The following STXBP5L variants were observed in gnomAD, a reference collection of about 807,000 sequenced individuals.
The protein encoded by STXBP5L is syntaxin-binding protein 5-like.
Under a neutral mutation model 144.5 loss-of-function variants are expected in STXBP5L, and 65 were observed. That is an observed-to-expected ratio of 0.45 (90% confidence interval 0.37 to 0.55). The LOEUF (loss-of-function observed/expected upper bound fraction) is 0.55. STXBP5L is among the 20% of genes least tolerant of loss of function. STXBP5L has a pLI of 0.00. For missense variants in STXBP5L, 1,298 were observed against 1,405.5 expected (o/e 0.92, Z 1.22); for synonymous variants, 505 against 469.6 (o/e 1.08, Z -0.97).
At chr3:121,011,082 C>T (rs538731166) in intron 3 of STXBP5L, among the ~76,000 whole-genome samples, 2 of 149,470 alleles carry the variant, frequency 1.3e-5, no homozygotes, top group East Asian at 1.9e-4. Flanking sequence ...ATGTCTACCT[C>T]TTGGAGTTTC....
intron 19 of STXBP5L, among the ~76,000 whole-genome samples, chr3:121,295,639 CAAAT>C (rs2051620739): frequency 6.6e-6 from 1 of 152,060 alleles, no homozygotes; most frequent in African/African-American, 2.4e-5. Context: ...GTGAGTCAGA[CAAAT>C]AAAACAGTCT....
intron 20 of STXBP5L, among the ~76,000 whole-genome samples, chr3:121,319,942 A>T (rs1051880386): frequency 1.3e-5 from 2 of 152,098 alleles, no homozygotes; most frequent in African/African-American, 4.8e-5. Context: ...ACATAGTGAG[A>T]CCCTGTCTCA....
At chr3:120,928,852 AT>A (rs1215990789) in intron 2 of STXBP5L, among the ~76,000 whole-genome samples, 3 of 152,006 alleles carry the variant, frequency 2.0e-5, no homozygotes, top group Non-Finnish European at 4.4e-5. Flanking sequence ...TCATTTTAGT[AT>A]TTTTTTATGT....
intron 5 of STXBP5L, among the ~76,000 whole-genome samples, chr3:121,071,424 G>T (rs889672553): frequency 2.0e-5 from 3 of 152,186 alleles, no homozygotes; most frequent in African/African-American, 7.2e-5. Context: ...CCAGCCTCTG[G>T]TGCAGTCAGA....
At chr3:121,333,282 A>G (rs1324814276) in intron 20 of STXBP5L, among the ~76,000 whole-genome samples, 2 of 152,174 alleles carry the variant, frequency 1.3e-5, no homozygotes, top group African/African-American at 2.4e-5. Flanking sequence ...CTTAAAATAT[A>G]CAGAATGAAA....
chr3:121,028,438 C>A (rs1560022839), intron 3 of STXBP5L, among the ~76,000 whole-genome samples: 1 of 151,946 alleles, frequency 6.6e-6, no homozygotes, highest in Non-Finnish European at 1.5e-5. Context: ...TTATGTAGGT[C>A]TTCTTTCCTC....
At chr3:121,076,085 C>A (rs936702571) in intron 5 of STXBP5L, among the ~76,000 whole-genome samples, 17 of 152,162 alleles carry the variant, frequency 1.1e-4, no homozygotes, top group African/African-American at 4.1e-4. Flanking sequence ...GGCTGATAAA[C>A]GAAGAGCTGT....
rs1225365195 is a variant in STXBP5L, at chr3:120,931,341, C to T, written c.189+21574C>T. 2.0e-5 allele frequency among the ~76,000 whole-genome samples: 3 copies of T among 152,144 alleles called. 1 individual carries two copies. The highest frequency in any genetic ancestry group is 4.1e-4 in the South Asian group (2 of 4,830). On this transcript the variant is annotated intron_variant, in intron 2 of 26. Coordinates refer to ENST00000471454, the MANE Select transcript of STXBP5L (RefSeq NM_001308330.2). ...GCATATGTTAGCTGGATAAGGGGAGCCTTTAGCTATTAGTGTGGTTTGTAC... is the reference window on the plus strand; with the variant it reads ...GCATATGTTAGCTGGATAAGGGGAGTCTTTAGCTATTAGTGTGGTTTGTAC...
In STXBP5L at chr3:120,956,848, A is replaced by AT. The variant is rs1938092964; in HGVS notation, c.287+1818dup. On this transcript the variant is annotated intron_variant, in intron 3 of 26. Transcript: ENST00000471454. ...AATTTTAATGAAGTTCAAGTTGGCT[A>AT]TTTTTTTCTTTTGTTGCCTGTGCTT... 3.3e-5 allele frequency among the ~76,000 whole-genome samples: 5 copies of AT among 151,784 alleles called. No homozygotes were observed. The South Asian group carries it at 1.0e-3, about 31-fold the overall frequency.
chr3:121,315,614 C>G (rs1336829589), intron 19 of STXBP5L, among the ~76,000 whole-genome samples: 1 of 151,124 alleles, frequency 6.6e-6, no homozygotes, highest in African/African-American at 2.4e-5. Context: ...ACACATGTAC[C>G]CTAAAACTTA....
chr3:121,247,217 G>A (rs2049883918), intron 14 of STXBP5L, among the ~76,000 whole-genome samples: 1 of 152,158 alleles, frequency 6.6e-6, no homozygotes, highest in South Asian at 2.1e-4. Flanking sequence ...ATATGTGTCT[G>A]TTTTTCACCA....
At chr3:121,143,275 T>C (rs1262035310) in intron 7 of STXBP5L, among the ~76,000 whole-genome samples, 1 of 141,484 alleles carries the variant, frequency 7.1e-6, no homozygotes, top group East Asian at 2.1e-4. Context: ...TTTGAAGAAA[T>C]AACATCAGTC....
chr3:120,995,464 G>T (rs572670913), intron 3 of STXBP5L, among the ~76,000 whole-genome samples: 80 of 152,086 alleles, frequency 5.3e-4, no homozygotes, highest in Admixed American at 1.8e-3. Context: ...TGTTTTTCTT[G>T]TTCTTCTGTT....
chr3:120,967,972 A>G (rs1939799272), intron 3 of STXBP5L, among the ~76,000 whole-genome samples: 1 of 152,160 alleles, frequency 6.6e-6, no homozygotes, highest in African/African-American at 2.4e-5. Context: ...AAGTTATTTA[A>G]TAGTTTTGAC....
Position 121,381,473 on chromosome 3 carries a change from T to C in STXBP5L, c.2528T>C (p.Leu843Ser). ...CTGGGAATGGTGTTAATCATCTCCT[T>C]AAACCTACCATTAGCAGATGAACAA... Reference protein sequence around the residue: ...TSLGMVLIISLNLPLADEQRF... With the variant: ...TSLGMVLIISSNLPLADEQRF... The change falls in exon 22 of 27, where the codon TTA becomes TCA. Residue 843 changes from leucine (L) to serine (S), a missense_variant. By Grantham distance (145) the Leu-to-Ser change is moderately radical (BLOSUM62 -2). Coordinates refer to ENST00000471454, the MANE Select transcript of STXBP5L (RefSeq NM_001308330.2). 1 of 1,598,496 alleles carries C rather than the reference T, an allele frequency of 6.3e-7. No homozygotes were observed. Among genetic ancestry groups the C allele is most frequent in the Non-Finnish European group, 8.5e-7 (1 of 1,175,878 alleles).
chr3:121,007,297 G>A (rs1296558880), intron 3 of STXBP5L, among the ~76,000 whole-genome samples: 2 of 151,796 alleles, frequency 1.3e-5, no homozygotes, highest in African/African-American at 2.4e-5. Flanking sequence ...TGAGGATTTT[G>A]TTGACTGTTT....
At chr3:121,012,572 G>A (rs1394353264) in intron 3 of STXBP5L, among the ~76,000 whole-genome samples, 1 of 151,604 alleles carries the variant, frequency 6.6e-6, no homozygotes, top group Non-Finnish European at 1.5e-5. Flanking sequence ...GCATGTCCCT[G>A]GACTAATGAT....
chr3:121,153,448 T>C lies in STXBP5L; in HGVS notation c.753+888T>C, dbSNP rs137964700. Among the ~76,000 whole-genome samples the C allele has an allele frequency of 2.0e-4, 31 of 152,120 alleles. 1 individual carries two copies. The East Asian group carries it at 5.8e-3, about 28-fold the overall frequency. Reference sequence around the variant, plus strand: ...TTATGTCCAGTAAAACCTAATCTTATATAGGAAAAGTGCCAAATAATTTAA... The same window carrying C: ...TTATGTCCAGTAAAACCTAATCTTACATAGGAAAAGTGCCAAATAATTTAA... On this transcript the variant is annotated intron_variant, in intron 8 of 26. Coordinates refer to ENST00000471454, the MANE Select transcript of STXBP5L (RefSeq NM_001308330.2).
intron 6 of STXBP5L, 150 bp downstream of exon 6, chr3:121,115,209 A>C: frequency 1.4e-6 from 1 of 731,084 alleles, no homozygotes. Flanking sequence ...AAAGCCATAA[A>C]AGCTTTTAAA....
Sources: allele counts gnomAD v4.1 joint callset (sites outside exome capture counted in the v4.1 genomes callset), GRCh38; gene constraint gnomAD v4.1.1; transcripts MANE v1.5; gene names NCBI Gene and HGNC (gene_info 2026-07-23, HGNC 2026-07-21).